The following BICRAL variants were observed in gnomAD, a reference collection of about 807,000 sequenced individuals.
The protein encoded by BICRAL is BRD4-interacting chromatin-remodeling complex-associated protein-like.
Under a neutral mutation model 91.8 loss-of-function variants are expected in BICRAL, and 8 were observed. The observed-to-expected ratio is 0.09, with a 90% CI of 0.05 to 0.16. The LOEUF (loss-of-function observed/expected upper bound fraction) is 0.16. Among genes scored for constraint, BICRAL ranks in the 10% least tolerant of loss-of-function variants. The pLI, the probability that BICRAL is intolerant of heterozygous loss-of-function variation, is 1.00. For synonymous variants in BICRAL, 445 were observed against 491.1 expected (o/e 0.91, Z 1.24); for missense variants, 1,038 against 1,310.9 (o/e 0.79, Z 3.21).
chr6:42,775,426 C>T (rs920709242), intron 1 of BICRAL, among the ~76,000 whole-genome samples: 1 of 152,218 alleles, frequency 6.6e-6, no homozygotes, highest in African/African-American at 2.4e-5. Flanking sequence ...TTCCTCTCCA[C>T]TCCCCCATCC....
In BICRAL at chr6:42,792,064, C is replaced by A. The variant is rs538105093; in HGVS notation, c.-102+9963C>A. Among the ~76,000 whole-genome samples, 3 of 152,118 alleles carry A rather than the reference C, an allele frequency of 2.0e-5. No homozygotes were observed. The East Asian group carries it at 5.8e-4, about 29-fold the overall frequency. On this transcript the variant is annotated intron_variant, in intron 1 of 12. Transcript: ENST00000314073. ...GATACAAAAGAAAAAAATGGTGCAC[C>A]TGTATAGGGCAGTTACCATGAATGA...
chr6:42,783,286 C>G (rs1292390497), intron 1 of BICRAL, among the ~76,000 whole-genome samples: 3 of 152,026 alleles, frequency 2.0e-5, no homozygotes, highest in African/African-American at 4.8e-5. Context: ...GGCGGCCCAG[C>G]CGGGCGTCTC....
intron 1 of BICRAL, among the ~76,000 whole-genome samples, chr6:42,761,327 G>A (rs569257738): frequency 5.7e-4 from 87 of 152,040 alleles, no homozygotes; most frequent in African/African-American, 2.1e-3. Context: ...ATGGTGGCAC[G>A]CACCTGTAAT....
rs41308315 is a variant in BICRAL at position 42,864,605 on chromosome 6, A to G, written c.2453-54A>G. On this transcript the variant is annotated intron_variant, in intron 12 of 12. Coordinates refer to ENST00000314073, the MANE Select transcript of BICRAL (RefSeq NM_001393499.1). ...ACCTGACCCACTGAAGTTCTGCTGTATAGTCTGTCCTCTCCCAATCACTCA... is the reference window on the plus strand; with the variant it reads ...ACCTGACCCACTGAAGTTCTGCTGTGTAGTCTGTCCTCTCCCAATCACTCA... The G allele has an allele frequency of 1.8e-5, 26 of 1,461,922 alleles. 1 individual carries two copies. Among genetic ancestry groups the G allele is most frequent in the Non-Finnish European group, 2.1e-5 (22 of 1,061,094 alleles). The allele number at this position is 1,461,922 out of a possible 1,614,324, so 90.6% of individuals were successfully genotyped here.
intron 1 of BICRAL, among the ~76,000 whole-genome samples, chr6:42,748,563 T>A (rs1201155681): frequency 6.6e-6 from 1 of 152,212 alleles, no homozygotes; most frequent in African/African-American, 2.4e-5. Context: ...TACTTGAAGT[T>A]GGTTAGTTCG....
At chr6:42,853,811 G>A in intron 8 of BICRAL, 73 bp downstream of exon 8, 6 of 1,139,374 alleles carry the variant, frequency 5.3e-6, no homozygotes, top group Non-Finnish European at 7.9e-6. Context: ...TGCTATCTTT[G>A]TGGTTGCTGG....
chr6:42,786,894 G>A (rs1327054878), intron 1 of BICRAL, among the ~76,000 whole-genome samples: 1 of 151,874 alleles, frequency 6.6e-6, no homozygotes, highest in Non-Finnish European at 1.5e-5. Flanking sequence ...ATGAGATGGA[G>A]TTGGAGAGAT....
chr6:42,813,313 TAA>T (rs1407053367), intron 2 of BICRAL, among the ~76,000 whole-genome samples: 3 of 151,500 alleles, frequency 2.0e-5, no homozygotes, highest in African/African-American at 7.3e-5. Context: ...AAACCAGTGG[TAA>T]AGAGAAAAAT....
chr6:42,757,656 G>A (rs1762483185), intron 1 of BICRAL, among the ~76,000 whole-genome samples: 1 of 152,168 alleles, frequency 6.6e-6, no homozygotes, highest in African/African-American at 2.4e-5. Flanking sequence ...CAAATTGCTG[G>A]GATTACAGGC....
chr6:42,815,376 A>G (rs1368543581), intron 2 of BICRAL, among the ~76,000 whole-genome samples: 1 of 148,942 alleles, frequency 6.7e-6, no homozygotes, highest in East Asian at 2.0e-4. Flanking sequence ...ATTTTCAGTA[A>G]AGACAGGGTT....
intron 1 of BICRAL, among the ~76,000 whole-genome samples, chr6:42,783,296 C>A (rs928574895): frequency 6.6e-6 from 1 of 152,066 alleles, no homozygotes; most frequent in Non-Finnish European, 1.5e-5. Flanking sequence ...CCGGGCGTCT[C>A]CTGCGAGGCC....
In BICRAL at chr6:42,829,898, G is replaced by C. The variant is rs1208697786; in HGVS notation, c.1565G>C (p.Arg522Thr). The part of the protein sequence containing the change: ...SPGQSSVSQG[R>T]PGFATMPSVT... ...GGGCAGAGCAGCGTTTCCCAAGGAA[G>C]ACCTGGCTTCGCCACCATGCCATCG... The change falls in exon 6 of 13, where the codon AGA becomes ACA. Residue 522 changes from arginine (R) to threonine (T), a missense_variant. By Grantham distance (71) the Arg-to-Thr change is moderately conservative. This residue lies in a region of BICRAL where 532 missense variants were observed against 724.9 expected (regional missense o/e 0.73). Coordinates refer to ENST00000314073, the MANE Select transcript of BICRAL (RefSeq NM_001393499.1). The C allele has an allele frequency of 6.2e-7, 1 of 1,614,226 alleles. No homozygotes were observed. The highest frequency in any genetic ancestry group is 1.7e-5 in the Admixed American group (1 of 60,026).
At chr6:42,805,837 T>TA (rs1272096247) in intron 1 of BICRAL, among the ~76,000 whole-genome samples, 2 of 151,946 alleles carry the variant, frequency 1.3e-5, no homozygotes, top group Non-Finnish European at 2.9e-5. Flanking sequence ...CCGTCTCTAC[T>TA]AAAAATAGGA....
intron 2 of BICRAL, among the ~76,000 whole-genome samples, chr6:42,818,048 T>A (rs1302673287): frequency 1.3e-5 from 2 of 151,702 alleles, no homozygotes; most frequent in Non-Finnish European, 2.9e-5. Context: ...GGTAAGCTGA[T>A]CTGTGCACTT....
intron 2 of BICRAL, among the ~76,000 whole-genome samples, chr6:42,814,956 G>GC (rs1763949871): frequency 6.6e-6 from 1 of 151,164 alleles, no homozygotes; most frequent in Non-Finnish European, 1.5e-5. Flanking sequence ...TATCACCCAG[G>GC]CTGGAGTGCA....
At chr6:42,816,831 G>A (rs1000870004) in intron 2 of BICRAL, among the ~76,000 whole-genome samples, 1 of 151,798 alleles carries the variant, frequency 6.6e-6, no homozygotes, top group African/African-American at 2.4e-5. Context: ...TGGCTAACAT[G>A]GTGAAACCCA....
intron 12 of BICRAL, among the ~76,000 whole-genome samples, chr6:42,863,089 G>A (rs1380079267): frequency 2.9e-5 from 4 of 139,126 alleles, no homozygotes; most frequent in Non-Finnish European, 4.5e-5. Flanking sequence ...TCGCTCTGTC[G>A]CCCAGGCTGG....
At chr6:42,850,917 G>A (rs1765158687) in intron 6 of BICRAL, among the ~76,000 whole-genome samples, 1 of 151,900 alleles carries the variant, frequency 6.6e-6, no homozygotes, top group African/African-American at 2.4e-5. Context: ...TTGGCTGGGT[G>A]TGGTGGCTCA....
chr6:42,781,626 GA>G (rs1451217246), upstream of BICRAL, among the ~76,000 whole-genome samples: 3 of 140,350 alleles, frequency 2.1e-5, no homozygotes, highest in Non-Finnish European at 3.1e-5. Flanking sequence ...TGTGTGTGGA[GA>G]GAGAGCCTGC....
Sources: allele counts gnomAD v4.1 joint callset (sites outside exome capture counted in the v4.1 genomes callset), GRCh38; gene constraint gnomAD v4.1.1; regional missense constraint gnomAD v4.1.1; transcripts MANE v1.5; gene names NCBI Gene and HGNC (gene_info 2026-07-23, HGNC 2026-07-21).